UBR2: variants seen among roughly 807,000 people sequenced by gnomAD.
The protein encoded by UBR2 is E3 ubiquitin-protein ligase UBR2.
Under a neutral mutation model 247.9 loss-of-function variants are expected in UBR2, and 92 were observed. The ratio of observed to expected loss-of-function variants is 0.37; its 90% CI spans 0.31 to 0.44. UBR2 has a LOEUF of 0.44. Among genes scored for constraint, UBR2 ranks in the 20% least tolerant of loss-of-function variants. The pLI is 1.00. For missense variants in UBR2, 1,613 were observed against 2,112.6 expected, an observed-to-expected ratio of 0.76 and a Z score of 4.64; for synonymous variants, 672 against 693.5, an observed-to-expected ratio of 0.97 and a Z score of 0.49.
intron 40 of UBR2, 67 bp from the exon 41 acceptor site, chr6:42,678,472 T>G (rs1314261999): frequency 6.6e-7 from 1 of 1,522,342 alleles, no homozygotes; most frequent in Admixed American, 2.2e-5. Flanking sequence ...TCAAGTCTGT[T>G]TTCACACTAT....
intron 36 of UBR2, among the ~76,000 whole-genome samples, chr6:42,672,801 C>T (rs1018263546): frequency 6.6e-6 from 1 of 152,180 alleles, no homozygotes; most frequent in African/African-American, 2.4e-5. Flanking sequence ...TCCTTCCCCA[C>T]TTTCTTCCTT....
chr6:42,651,778 G>C (rs998575122), intron 23 of UBR2, among the ~76,000 whole-genome samples: 5 of 151,942 alleles, frequency 3.3e-5, no homozygotes, highest in African/African-American at 9.7e-5. Flanking sequence ...GGTGTGAGCT[G>C]CCACGCCCCG....
Position 42,683,112 on chromosome 6 carries a change from G to T in UBR2, c.4775+1G>T. On this transcript the variant is annotated splice_donor_variant, in intron 43 of 46. Transcript: ENST00000372901. LOFTEE classifies it high-confidence loss of function. ...TAGAAGGTGAAAGAGATGCTATAAG[G>T]TAAGTTAAAGAGCCTCAAAAACTTT... 6.2e-7 allele frequency: 1 copy of T among 1,612,072 alleles called. No homozygotes were observed. The highest frequency in any genetic ancestry group is 8.5e-7 in the Non-Finnish European group (1 of 1,179,044).
At chr6:42,643,065 G>C (rs1490899326) in intron 18 of UBR2, among the ~76,000 whole-genome samples, 1 of 151,962 alleles carries the variant, frequency 6.6e-6, no homozygotes, top group Non-Finnish European at 1.5e-5. Context: ...AGCCTTCCCT[G>C]ACACACTAAA....
chr6:42,617,575 C>A, intron 11 of UBR2, 68 bp downstream of exon 11: 2 of 1,360,838 alleles, frequency 1.5e-6, no homozygotes, highest in South Asian at 1.3e-5. Context: ...TAATAGAGAA[C>A]TAAAGTCTGT....
intron 20 of UBR2, 113 bp from the exon 21 acceptor site, chr6:42,645,353 T>A: frequency 1.0e-6 from 1 of 1,001,466 alleles, no homozygotes; most frequent in Non-Finnish European, 1.5e-6. Context: ...TACTTTCCCA[T>A]TGCTCAGACA....
intron 2 of UBR2, among the ~76,000 whole-genome samples, chr6:42,591,015 G>T (rs766061976): frequency 5.3e-5 from 8 of 152,256 alleles, no homozygotes; most frequent in Non-Finnish European, 1.2e-4. Flanking sequence ...ACTTTGGGAG[G>T]CCAAGGCAGG....
In UBR2 at chr6:42,631,398, G is replaced by T. The variant is rs962319709; in HGVS notation, c.1282-1154G>T. 4.6e-5 allele frequency among the ~76,000 whole-genome samples: 7 copies of T among 152,182 alleles called. No individual in the cohort carries two copies. The South Asian group carries it at 8.3e-4, about 18-fold the overall frequency. ...TATTGTGTTATGGAGGGCATGAGAG[G>T]GCATGGCCCACATTGTAGGTAGAAA... On this transcript the variant is annotated intron_variant, in intron 11 of 46. Transcript: ENST00000372901.
At chr6:42,652,206 C>T in intron 24 of UBR2, 135 bp downstream of exon 24, 1 of 884,076 alleles carries the variant, frequency 1.1e-6, no homozygotes, top group Non-Finnish European at 1.7e-6. Context: ...ACCTCCTATT[C>T]AGAGGAATAA....
rs1209074851 is a variant in UBR2, at chr6:42,684,827, T to C, written c.4809T>C (p.Leu1603=). The C allele has an allele frequency of 6.2e-7, 1 of 1,612,014 alleles. No individual in the cohort carries two copies. The change falls in exon 44 of 47, where the codon CTT becomes CTC. Residue 1603 remains leucine, a synonymous_variant. Coordinates refer to ENST00000372901, the MANE Select transcript of UBR2 (RefSeq NM_001363705.2). Reference sequence around the variant, plus strand: ...GAGAATCTAACAAATTAATAAACCTTCCAGAGGATTACAGCAGCCTCATTA... The same window carrying C: ...GAGAATCTAACAAATTAATAAACCTCCCAGAGGATTACAGCAGCCTCATTA... The part of the protein sequence containing the change: ...YPRESNKLIN[L]PEDYSSLINQ...
intron 21 of UBR2, among the ~76,000 whole-genome samples, chr6:42,646,270 C>T (rs952511491): frequency 2.0e-5 from 3 of 152,128 alleles, no homozygotes; most frequent in African/African-American, 7.2e-5. Context: ...AAACCTTCAA[C>T]CTTAATTAAC....
chr6:42,570,945 C>G (rs1270746707), intron 1 of UBR2, among the ~76,000 whole-genome samples: 1 of 150,856 alleles, frequency 6.6e-6, no homozygotes, highest in Non-Finnish European at 1.5e-5. Flanking sequence ...CTTGGCCTCC[C>G]AAGTGCTGGG....
At chr6:42,575,444 A>G (rs1004105007) in intron 2 of UBR2, among the ~76,000 whole-genome samples, 2 of 152,224 alleles carry the variant, frequency 1.3e-5, no homozygotes, top group African/African-American at 4.8e-5. Flanking sequence ...TGGATAGGAA[A>G]TTGAGACCCC....
At chr6:42,581,003 A>ATTT (rs58396471) in intron 2 of UBR2, among the ~76,000 whole-genome samples, 7 of 62,636 alleles carry the variant, frequency 1.1e-4, no homozygotes, top group South Asian at 7.1e-4. Flanking sequence ...TGGTTCTAGA[A>ATTT]TTTTTTTTTT....
At chr6:42,625,987 T>C (rs1399708739) in intron 11 of UBR2, among the ~76,000 whole-genome samples, 1 of 151,930 alleles carries the variant, frequency 6.6e-6, no homozygotes, top group Admixed American at 6.6e-5. Context: ...CTATTTTTTT[T>C]GTATTTTTAG....
chr6:42,670,787 A>G (rs1562385935), intron 36 of UBR2, 72 bp downstream of exon 36: 1 of 1,206,136 alleles, frequency 8.3e-7, no homozygotes, highest in Non-Finnish European at 1.2e-6. Flanking sequence ...TTTTAATCTT[A>G]TGGACCTGCA....
intron 1 of UBR2, among the ~76,000 whole-genome samples, chr6:42,571,392 T>TAA (rs995554102): frequency 6.6e-6 from 1 of 151,788 alleles, no homozygotes; most frequent in Admixed American, 6.6e-5. Flanking sequence ...CAATATGTTG[T>TAA]AAAAAAAAGT....
intron 2 of UBR2, among the ~76,000 whole-genome samples, chr6:42,578,283 T>C (rs1160774290): frequency 1.3e-5 from 2 of 152,152 alleles, no homozygotes; most frequent in African/African-American, 4.8e-5. Context: ...GCTTTCAAGG[T>C]TCACCACAGC....
chr6:42,620,794 G>C (rs1794942088), intron 11 of UBR2, among the ~76,000 whole-genome samples: 1 of 150,154 alleles, frequency 6.7e-6, no homozygotes. Context: ...ATTATAACAT[G>C]TACTAATTTT....
Sources: gnomAD v4.1 joint callset for allele counts (sites outside exome capture counted in the v4.1 genomes callset) on GRCh38, gnomAD v4.1.1 for gene constraint, MANE v1.5 for transcripts, NCBI Gene and HGNC (gene_info 2026-07-23, HGNC 2026-07-21) for gene names.